Variants in SLC1A6 observed in about 807,000 individuals in gnomAD.
SLC1A6 encodes excitatory amino acid transporter 4.
SLC1A6 carries 15 observed loss-of-function variants against 42.1 expected under a neutral mutation model. The ratio of observed to expected loss-of-function variants is 0.36; its 90% CI spans 0.24 to 0.55. The LOEUF (loss-of-function observed/expected upper bound fraction) is 0.55, where lower values mean the gene tolerates loss of function less well. SLC1A6 is among the 20% of genes least tolerant of loss of function. The probability of loss-of-function intolerance (pLI) is 0.88; values close to 1 mark genes in which losing one functional copy is unlikely to be tolerated. For synonymous variants in SLC1A6, 317 were observed against 319.7 expected (o/e 0.99, Z 0.09); for missense variants, 542 against 772.5 (o/e 0.70, Z 3.54).
At chr19:15,005,765 A>G (rs2045893316) in intron 1 of SLC1A6, among the ~76,000 whole-genome samples, 1 of 152,242 alleles carries the variant, frequency 6.6e-6, no homozygotes, top group African/African-American at 2.4e-5. Flanking sequence ...GTGTTAAACT[A>G]ATAAAAAGCC....
rs59828742 is a variant in SLC1A6 at position 14,951,078 on chromosome 19, C to CAAAAAA, written c.1500-694_1500-689dup. Among the ~76,000 whole-genome samples the CAAAAAA allele has an allele frequency of 8.8e-5, 7 of 79,806 alleles. 1 individual carries two copies. The highest frequency in any genetic ancestry group is 3.5e-4 in the African/African-American group (7 of 20,030). 52.4% of individuals were successfully genotyped at this position (79,806 alleles called of 152,430 possible). A position where few individuals can be genotyped will look rare whatever the true frequency, so the allele number is the denominator to read the frequency against. On this transcript the variant is annotated intron_variant, in intron 9 of 9. Transcript: ENST00000594383. ...TGAAACCCTGTCTCTACTAAAAATA[C>CAAAAAA]AAAAAAAAAAAAAAAAAAAAAATTA...
intron 1 of SLC1A6, among the ~76,000 whole-genome samples, chr19:14,999,479 C>A (rs1316549382): frequency 6.6e-6 from 1 of 152,186 alleles, no homozygotes; most frequent in African/African-American, 2.4e-5. Flanking sequence ...TAAAACCAAG[C>A]TGTAGCTTAA....
chr19:15,004,358 GT>G (rs1194392367), intron 1 of SLC1A6, among the ~76,000 whole-genome samples: 1 of 151,908 alleles, frequency 6.6e-6, no homozygotes, highest in African/African-American at 2.4e-5. Flanking sequence ...TGTGGAAATG[GT>G]TAGAGTGAAA....
Position 14,967,109 on chromosome 19 carries a change from C to T in SLC1A6, c.548+1194G>A, listed in dbSNP as rs371192334. ...GAGAATCATTCACCCTCCAATGATG[C>T]TTAGGCAAATACCAGCTGTTCTGAC... On this transcript the variant is annotated intron_variant, in intron 4 of 9. Transcript: ENST00000594383. 2.2e-4 allele frequency among the ~76,000 whole-genome samples: 33 copies of T among 152,242 alleles called. 1 individual carries two copies. The highest frequency in any genetic ancestry group is 7.7e-4 in the African/African-American group (32 of 41,540).
chr19:15,003,066 C>T (rs1384157195), intron 1 of SLC1A6, among the ~76,000 whole-genome samples: 1 of 152,172 alleles, frequency 6.6e-6, no homozygotes, highest in East Asian at 1.9e-4. Context: ...GCAACCTCCG[C>T]CCCCCGGGTT....
rs554436299 is a variant in SLC1A6, at chr19:14,971,850, C to G, written c.230G>C (p.Arg77Pro). 1 of 1,614,102 alleles carries G rather than the reference C, an allele frequency of 6.2e-7. No homozygotes were observed. Among genetic ancestry groups the G allele is most frequent in the South Asian group, 1.1e-5 (1 of 91,076 alleles). Residue 77 changes from arginine (R) to proline (P), a missense_variant, in exon 3 of 10, where the codon CGC becomes CCC. Coordinates refer to ENST00000594383, the MANE Select transcript of SLC1A6 (RefSeq NM_005071.3). ...VIGVSLAFAL[R>P]PYQLTYRQIK... ...CTGGCGGTAGGTGAGCTGATATGGG[C>G]GCAGGGCAAAGGCCAGGCTGACCCC...
intron 4 of SLC1A6, among the ~76,000 whole-genome samples, chr19:14,967,481 C>A (rs59239132): frequency 3.3e-5 from 5 of 151,886 alleles, no homozygotes; most frequent in African/African-American, 1.2e-4. Context: ...GACACGCCTC[C>A]TTACACTCTC....
At chr19:15,005,370 G>T (rs978112220) in intron 1 of SLC1A6, among the ~76,000 whole-genome samples, 3 of 151,982 alleles carry the variant, frequency 2.0e-5, no homozygotes, top group African/African-American at 7.3e-5. Context: ...TTAGCTGGGC[G>T]TGGTGGTGGG....
At chr19:14,967,322 T>C (rs1234180603) in intron 4 of SLC1A6, among the ~76,000 whole-genome samples, 7 of 152,078 alleles carry the variant, frequency 4.6e-5, no homozygotes, top group Admixed American at 4.6e-4. Context: ...GAGTCAGAAA[T>C]CATATCAAAA....
chr19:14,968,461 C>T lies in SLC1A6; in HGVS notation c.390G>A (p.Arg130=). ...TGGTCACCATGTAGTACACAGCTGC[C>T]CGCATCCCCATCCGCCCCGTGGCCT... is the stretch of plus-strand genomic sequence containing the variant. ...DNKATGRMGM[R]AAVYYMVTTI... The change falls in exon 4 of 10, where the codon CGG becomes CGA. Residue 130 remains arginine (R), a synonymous_variant. Coordinates refer to ENST00000594383, the MANE Select transcript of SLC1A6 (RefSeq NM_005071.3). The T allele has an allele frequency of 6.2e-7, 1 of 1,613,380 alleles. No homozygotes were observed. Among genetic ancestry groups the T allele is most frequent in the Non-Finnish European group, 8.5e-7 (1 of 1,179,692 alleles).
chr19:14,972,943 C>G (rs1485649054), intron 1 of SLC1A6, 26 bp from the exon 2 acceptor site: 1 of 1,526,472 alleles, frequency 6.6e-7, no homozygotes, highest in Non-Finnish European at 8.9e-7. Flanking sequence ...AAGCCTGGGG[C>G]TGGTGAGGGC....
intron 1 of SLC1A6, 132 bp from the exon 2 acceptor site, chr19:14,973,049 T>C (rs2045663448): frequency 1.5e-6 from 1 of 681,324 alleles, no homozygotes; most frequent in Non-Finnish European, 2.4e-6. Context: ...CTGGGTGTTT[T>C]GGCTCACGCC....
At chr19:14,961,798 T>C (rs1433195984) in intron 6 of SLC1A6, 2 of 653,732 alleles carry the variant, frequency 3.1e-6, no homozygotes, top group African/African-American at 3.6e-5. Context: ...GAAGAATGAA[T>C]GAATGAACAG....
chr19:14,997,117 C>G (rs927743920), intron 1 of SLC1A6, among the ~76,000 whole-genome samples: 1 of 152,134 alleles, frequency 6.6e-6, no homozygotes, highest in Non-Finnish European at 1.5e-5. Context: ...TCCTTGCAGG[C>G]AAAGGACAGA....
rs1171162612 is a variant in SLC1A6 at position 14,962,354 on chromosome 19, GA to G, written c.592-10del. ...CTGTACTGCGTCTTGAACTGAAATA[GA>G]GAGAGATTGCGCCCAGATTCAATTC... On this transcript the variant is annotated splice_polypyrimidine_tract_variant and intron_variant, in intron 5 of 9. Transcript: ENST00000594383. 6.3e-7 allele frequency: 1 copy of G among 1,599,778 alleles called. No individual in the cohort carries two copies. Among genetic ancestry groups the G allele is most frequent in the Non-Finnish European group, 8.6e-7 (1 of 1,168,894 alleles).
intron 1 of SLC1A6, among the ~76,000 whole-genome samples, chr19:14,986,522 C>CAA (rs957267768): frequency 2.0e-4 from 22 of 109,972 alleles, no homozygotes; most frequent in African/African-American, 7.4e-4. Context: ...AACTCCGTCT[C>CAA]AAAAAAAAAA....
At chr19:15,008,458 G>T (rs955468740) in intron 1 of SLC1A6, among the ~76,000 whole-genome samples, 6 of 152,154 alleles carry the variant, frequency 3.9e-5, no homozygotes, top group Non-Finnish European at 8.8e-5. Context: ...TACACTGTTG[G>T]TGGGGATGCA....
At chr19:14,967,899 G>C (rs190450302) in intron 4 of SLC1A6, among the ~76,000 whole-genome samples, 8 of 152,252 alleles carry the variant, frequency 5.3e-5, no homozygotes, top group African/African-American at 1.9e-4. Context: ...CTGGCTCATT[G>C]ACAGAGGCTG....
chr19:14,980,757 T>G (rs1259726472), upstream of SLC1A6, among the ~76,000 whole-genome samples: 1 of 151,870 alleles, frequency 6.6e-6, no homozygotes, highest in African/African-American at 2.4e-5. Flanking sequence ...CAGGCTCTTT[T>G]ATTAATACTT....
Sources: gnomAD v4.1 joint callset for allele counts (sites outside exome capture counted in the v4.1 genomes callset) on GRCh38, gnomAD v4.1.1 for gene constraint, MANE v1.5 for transcripts, NCBI Gene and HGNC (gene_info 2026-07-23, HGNC 2026-07-21) for gene names.